The following PABPC1 variants were observed in gnomAD, a reference collection of about 807,000 sequenced individuals.
The protein encoded by PABPC1 is polyadenylate-binding protein 1.
In PABPC1, 4 loss-of-function variants were observed where a neutral mutation model predicts 74.0. The observed-to-expected ratio is 0.05, with a 90% CI of 0.03 to 0.12. PABPC1 has a LOEUF of 0.12. Among genes scored for constraint, PABPC1 ranks in the 10% least tolerant of loss-of-function variants. The pLI is 1.00. For missense variants in PABPC1, 271 were observed against 821.1 expected (o/e 0.33, Z 8.19); for synonymous variants, 227 against 264.1 (o/e 0.86, Z 1.36).
In PABPC1 at chr8:100,712,707, G is replaced by A. The variant is rs763908705; in HGVS notation, c.821C>T (p.Thr274Met). ...GRAQKKVERQ[T>M]ELKRKFEQMK... is the part of the protein sequence containing the mutation. ...CTGTTCAAATTTGCGCTTAAGTTCCGTCTGCCGTTCCACCTTTTTCTGAGC... is the reference window on the plus strand; with the variant it reads ...CTGTTCAAATTTGCGCTTAAGTTCCATCTGCCGTTCCACCTTTTTCTGAGC... Residue 274 changes from threonine (T) to methionine (M), a missense_variant, in exon 6 of 15, where the codon ACG (threonine) becomes ATG (methionine). By Grantham distance (81) the Thr-to-Met change is moderately conservative. Coordinates refer to ENST00000318607, the MANE Select transcript of PABPC1 (RefSeq NM_002568.4). 15 of 1,433,052 alleles carry A rather than the reference G, an allele frequency of 1.0e-5. No homozygotes were observed. Among genetic ancestry groups the A allele is most frequent in the African/African-American group, 7.3e-5 (5 of 68,162 alleles). The allele number at this position is 1,433,052 out of a possible 1,614,324, so 88.8% of individuals were successfully genotyped here. A position where few individuals can be genotyped will look rare whatever the true frequency, so the allele number is the denominator to read the frequency against.
In PABPC1 at chr8:100,721,368, CGACCGCGGAGCCCGGCG is replaced by C; in HGVS notation, c.193+6_193+22del. Reference sequence around the variant, plus strand: ...CCTCATGGCCGCCCGCCCGCCCGGCCGACCGCGGAGCCCGGCGCTCACCGTCCGCCGGCTGCTGGAAG... The same window carrying C: ...CCTCATGGCCGCCCGCCCGCCCGGCCCTCACCGTCCGCCGGCTGCTGGAAG... On this transcript the variant is annotated splice_donor_region_variant and intron_variant, in intron 1 of 14. Coordinates refer to ENST00000318607, the MANE Select transcript of PABPC1 (RefSeq NM_002568.4). This position sits in a 1 kb window ranked among gnomAD's most constrained non-coding sequence, Gnocchi z 7.4. 7.0e-7 allele frequency: 1 copy of C among 1,427,658 alleles called. No individual in the cohort carries two copies. The highest frequency in any genetic ancestry group is 9.3e-7 in the Non-Finnish European group (1 of 1,077,844). 88.4% of individuals were successfully genotyped at this position (1,427,658 alleles called of 1,614,324 possible). A position where few individuals can be genotyped will look rare whatever the true frequency, so the allele number is the denominator to read the frequency against.
chr8:100,704,111 C>T (rs938417802), intron 14 of PABPC1, 186 bp downstream of exon 14: 2 of 377,302 alleles, frequency 5.3e-6, no homozygotes, highest in Admixed American at 8.8e-5. Flanking sequence ...AAAAATCCAA[C>T]AGTTAACGGG....
rs1402327005 is a variant in PABPC1 at position 100,715,452 on chromosome 8, G to A, written c.643+10C>T. The A allele has an allele frequency of 2.6e-6, 4 of 1,555,796 alleles. No homozygotes were observed. The highest frequency in any genetic ancestry group is 1.7e-4 in the Middle Eastern group (1 of 5,772). On this transcript the variant is annotated intron_variant, in intron 4 of 14. Transcript: ENST00000318607. Reference sequence around the variant, plus strand: ...GCTTTGTGTGTAAAAATTTAATTAAGACACATTACCAAACTTGCCAAAGAG... The same window carrying A: ...GCTTTGTGTGTAAAAATTTAATTAAAACACATTACCAAACTTGCCAAAGAG...
chr8:100,706,529 T>C, intron 11 of PABPC1, 122 bp downstream of exon 11: 1 of 776,184 alleles, frequency 1.3e-6, no homozygotes, highest in South Asian at 1.7e-5. Context: ...TCAAGCAATC[T>C]GCCTGCCTCA....
chr8:100,708,597 T>G (rs980915116), intron 9 of PABPC1, among the ~76,000 whole-genome samples: 1 of 152,240 alleles, frequency 6.6e-6, no homozygotes, highest in African/African-American at 2.4e-5. Flanking sequence ...TGAAATTGGC[T>G]GGGTGCCATG....
intron 9 of PABPC1, among the ~76,000 whole-genome samples, chr8:100,708,880 AAAAT>A (rs60749457): frequency 1.8e-4 from 26 of 145,384 alleles, no homozygotes; most frequent in Admixed American, 4.1e-4. Context: ...CTCTGTCTCG[AAAAT>A]AAATAAATAA....
At position 100,708,967 on chromosome 8, in the gene PABPC1, C is replaced by T. The variant is rs1037383437; in HGVS notation, c.1336+166G>A. Among the ~76,000 whole-genome samples, 3 of 152,280 alleles carry T rather than the reference C, an allele frequency of 2.0e-5. 1 individual carries two copies. ...TAAAGGGAAATCAAACCACTGTAGA[C>T]ATTACTATCTTAGCACTGCTTTTAA... On this transcript the variant is annotated intron_variant, in intron 9 of 14. Transcript: ENST00000318607.
chr8:100,705,304 C>A (rs535635699), intron 12 of PABPC1, among the ~76,000 whole-genome samples: 33 of 152,354 alleles, frequency 2.2e-4, no homozygotes, highest in African/African-American at 7.7e-4. Context: ...GGTGTTCAGG[C>A]AAAGTCACAA....
At chr8:100,704,479 A>AT (rs1490520108) in intron 13 of PABPC1, 89 bp from the exon 14 acceptor site, 12 of 1,091,464 alleles carry the variant, frequency 1.1e-5, no homozygotes, top group African/African-American at 3.1e-5. Flanking sequence ...CCCAACAAAG[A>AT]TAAGTTTCTT....
Position 100,721,338 on chromosome 8 carries a change from C to T in PABPC1, c.193+53G>A. 8.8e-7 allele frequency: 1 copy of T among 1,134,796 alleles called. No homozygotes were observed. The highest frequency in any genetic ancestry group is 1.1e-6 in the Non-Finnish European group (1 of 894,802). 70.3% of individuals were successfully genotyped at this position (1,134,796 alleles called of 1,614,324 possible). A position where few individuals can be genotyped will look rare whatever the true frequency, so the allele number is the denominator to read the frequency against. The stretch of plus-strand genomic sequence containing the variant: ...GGCCTACCCCGCCCGCCGCCGCCGC[C>T]CGAGCCTCATGGCCGCCCGCCCGCC... On this transcript the variant is annotated intron_variant, in intron 1 of 14. Transcript: ENST00000318607. This position sits in a 1 kb window ranked among gnomAD's most constrained non-coding sequence, Gnocchi z 7.4.
At chr8:100,707,844 C>T (rs961767891) in intron 9 of PABPC1, among the ~76,000 whole-genome samples, 7 of 152,232 alleles carry the variant, frequency 4.6e-5, no homozygotes, top group African/African-American at 1.4e-4. Context: ...TGCTAGACCT[C>T]GGTCCGCCTG....
At chr8:100,713,999 C>T (rs962130850) in intron 4 of PABPC1, among the ~76,000 whole-genome samples, 59 of 152,212 alleles carry the variant, frequency 3.9e-4, no homozygotes, top group African/African-American at 1.4e-3. Flanking sequence ...ACATGTTTTC[C>T]CCTAACTCCC....
intron 7 of PABPC1, among the ~76,000 whole-genome samples, chr8:100,711,188 G>A (rs543481158): frequency 2.6e-5 from 4 of 152,226 alleles, no homozygotes; most frequent in African/African-American, 9.6e-5. Context: ...GCTGAGGCAG[G>A]AGAATCGCTT....
intron 1 of PABPC1, among the ~76,000 whole-genome samples, chr8:100,719,523 G>C (rs1204304667): frequency 6.6e-6 from 1 of 151,636 alleles, no homozygotes; most frequent in Non-Finnish European, 1.5e-5. Context: ...AAAAGAACAA[G>C]AAATCCACTT....
At chr8:100,707,203 T>C (rs748726933) in intron 9 of PABPC1, 18 of 455,856 alleles carry the variant, frequency 3.9e-5, no homozygotes, top group Non-Finnish European at 6.1e-5. Context: ...AGTACTTATA[T>C]GTAGCGACCA....
At chr8:100,708,986 C>T (rs748442741) in intron 9 of PABPC1, 147 bp downstream of exon 9, 103 of 708,146 alleles carry the variant, frequency 1.5e-4, no homozygotes, top group Non-Finnish European at 1.1e-4. Flanking sequence ...CTTAGCACTG[C>T]TTTTAAATGC....
chr8:100,710,672 G>A (rs945831686), intron 7 of PABPC1, among the ~76,000 whole-genome samples: 6 of 152,162 alleles, frequency 3.9e-5, no homozygotes, highest in Non-Finnish European at 5.9e-5. Flanking sequence ...TGGAAAATTC[G>A]AAGAAAATAT....
chr8:100,710,660 A>G (rs1587153334), intron 7 of PABPC1, among the ~76,000 whole-genome samples: 4 of 152,258 alleles, frequency 2.6e-5, no homozygotes, highest in African/African-American at 9.6e-5. Context: ...AGGTCTATAA[A>G]GTGGAAAATT....
Position 100,706,870 on chromosome 8 carries a change from G to T in PABPC1, c.1447+17C>A, listed in dbSNP as rs773589180. On this transcript the variant is annotated intron_variant, in intron 10 of 14. Coordinates refer to ENST00000318607, the MANE Select transcript of PABPC1 (RefSeq NM_002568.4). ...TCAAATTGGTGATCAATTTTTAAAG[G>T]AAGGATTAAGACTCACCAACACGCT... is the stretch of plus-strand genomic sequence containing the variant. The T allele has an allele frequency of 8.4e-6, 9 of 1,066,574 alleles. No individual in the cohort carries two copies. The East Asian group carries it at 3.8e-4, about 45-fold the overall frequency. The allele number at this position is 1,066,574 out of a possible 1,614,324, so 66.1% of individuals were successfully genotyped here. A position where few individuals can be genotyped will look rare whatever the true frequency, so the allele number is the denominator to read the frequency against.
Sources: allele counts gnomAD v4.1 joint callset (sites outside exome capture counted in the v4.1 genomes callset), GRCh38; gene constraint gnomAD v4.1.1; non-coding constraint Gnocchi (gnomAD v3.1); transcripts MANE v1.5; gene names NCBI Gene and HGNC (gene_info 2026-07-23, HGNC 2026-07-21).